EBF3: variants seen among roughly 807,000 people sequenced by gnomAD.
EBF3 encodes transcription factor COE3.
A neutral mutation model predicts 77.1 loss-of-function variants in EBF3; 18 were observed. The observed-to-expected ratio is 0.23, with a 90% CI of 0.16 to 0.35. The LOEUF (loss-of-function observed/expected upper bound fraction) is 0.35. EBF3 is among the 10% of genes least tolerant of loss of function. The probability of loss-of-function intolerance (pLI) is 1.00; values close to 1 mark genes in which losing one functional copy is unlikely to be tolerated. For missense variants in EBF3, 558 were observed against 860.0 expected (o/e 0.65, Z 4.39); for synonymous variants, 350 against 343.5 (o/e 1.02, Z -0.21).
In EBF3 at chr10:129,935,509, A is replaced by G. The variant is rs1467876766; in HGVS notation, c.554+21749T>C. On this transcript the variant is annotated intron_variant, in intron 6 of 16. Transcript: ENST00000440978. The surrounding 1 kb of genome is among the most constrained non-coding windows in gnomAD (Gnocchi z 4.2). ...CCTGTGTGACCCCAACCCTAAGAAC[A>G]AGCCTCCCAACTCAGCGCCAACTGC... 1.3e-5 allele frequency among the ~76,000 whole-genome samples: 2 copies of G among 152,160 alleles called. No homozygotes were observed. The highest frequency in any genetic ancestry group is 1.3e-4 in the Admixed American group (2 of 15,280).
intron 6 of EBF3, among the ~76,000 whole-genome samples, chr10:129,953,892 A>T (rs1034131010): frequency 2.0e-5 from 3 of 152,230 alleles, no homozygotes; most frequent in Non-Finnish European, 2.9e-5. Flanking sequence ...CTACACCGAC[A>T]TCCTGGAATC....
intron 6 of EBF3, among the ~76,000 whole-genome samples, chr10:129,951,746 G>A (rs1223410851): frequency 5.9e-5 from 9 of 152,388 alleles, no homozygotes; most frequent in South Asian, 4.1e-4. Context: ...GAGGCTAACC[G>A]TGCAGCCGGC....
rs1859655204 is a variant in EBF3 at position 129,963,122 on chromosome 10, C to T, written c.292-117G>A. The T allele has an allele frequency of 6.6e-6, 9 of 1,356,066 alleles. No homozygotes were observed. Among genetic ancestry groups the T allele is most frequent in the South Asian group, 1.2e-5 (1 of 83,830 alleles). The allele number at this position is 1,356,066 out of a possible 1,614,324, so 84.0% of individuals were successfully genotyped here. On this transcript the variant is annotated intron_variant, in intron 2 of 16. Coordinates refer to ENST00000440978, the MANE Select transcript of EBF3 (RefSeq NM_001375380.1). The surrounding 1 kb of genome is among the most constrained non-coding windows in gnomAD (Gnocchi z 7.1). ...CTCACACATGGCAGGATTCCTAGCT[C>T]GAAGCAGCGCGGTGATGTCACTTTC...
chr10:129,881,558 AG>A (rs1458951231), intron 6 of EBF3, among the ~76,000 whole-genome samples: 1 of 152,184 alleles, frequency 6.6e-6, no homozygotes, highest in Non-Finnish European at 1.5e-5. Flanking sequence ...AACCAGCAGA[AG>A]GGGGAAAGGT....
At position 129,943,732 on chromosome 10, in the gene EBF3, G is replaced by A. The variant is rs1469037162; in HGVS notation, c.554+13526C>T. Among the ~76,000 whole-genome samples the A allele has an allele frequency of 2.0e-5, 3 of 152,080 alleles. No homozygotes were observed. The highest frequency in any genetic ancestry group is 1.3e-4 in the Admixed American group (2 of 15,264). On this transcript the variant is annotated intron_variant, in intron 6 of 16. Transcript: ENST00000440978. This position sits in a 1 kb window ranked among gnomAD's most constrained non-coding sequence, Gnocchi z 8.8. ...AGAATTGCTAGGAATTCTTTTCACAGGCTGCATCTATGCTAGCCAATGAAA... is the reference window on the plus strand; with the variant it reads ...AGAATTGCTAGGAATTCTTTTCACAAGCTGCATCTATGCTAGCCAATGAAA...
rs1419010492 is a variant in EBF3, at chr10:129,870,936, C to T, written c.781+2516G>A. On this transcript the variant is annotated intron_variant, in intron 8 of 16. Transcript: ENST00000440978. This position sits in a 1 kb window ranked among gnomAD's most constrained non-coding sequence, Gnocchi z 4.4. ...CATTCACAATATTGAGGCACTCAAACAGGCCTAATCTTGCCTCATGAAGAC... is the reference window on the plus strand; with the variant it reads ...CATTCACAATATTGAGGCACTCAAATAGGCCTAATCTTGCCTCATGAAGAC... Among the ~76,000 whole-genome samples the T allele has an allele frequency of 6.6e-6, 1 of 152,210 alleles. No homozygotes were observed. The highest frequency in any genetic ancestry group is 2.4e-5 in the African/African-American group (1 of 41,452).
At chr10:129,891,223 G>A (rs1217291050) in intron 6 of EBF3, among the ~76,000 whole-genome samples, 1 of 152,068 alleles carries the variant, frequency 6.6e-6, no homozygotes, top group Non-Finnish European at 1.5e-5. Context: ...CTCCCATCAA[G>A]CAAATTTTCT....
chr10:129,844,776 T>C (rs1019427977), intron 11 of EBF3, among the ~76,000 whole-genome samples: 2 of 152,142 alleles, frequency 1.3e-5, no homozygotes, highest in Non-Finnish European at 2.9e-5. Flanking sequence ...AATAAAGAAT[T>C]AGACTTGTCA....
At chr10:129,909,486 C>T (rs963376345) in intron 6 of EBF3, among the ~76,000 whole-genome samples, 5 of 152,220 alleles carry the variant, frequency 3.3e-5, no homozygotes, top group African/African-American at 7.2e-5. Context: ...ACAGGGCACA[C>T]GTTTGGTCAC....
At chr10:129,846,064 C>T (rs1850435481) in intron 11 of EBF3, among the ~76,000 whole-genome samples, 1 of 150,254 alleles carries the variant, frequency 6.7e-6, no homozygotes, top group Admixed American at 6.6e-5. Context: ...CTATTTTTGC[C>T]ACATGAGTGC....
Position 129,837,100 on chromosome 10 carries a change from C to G in EBF3, c.*843G>C, listed in dbSNP as rs1333410236. The G allele has an allele frequency of 6.6e-5, 10 of 152,562 alleles. No homozygotes were observed. The highest frequency in any genetic ancestry group is 6.5e-4 in the Admixed American group (10 of 15,268). 9.5% of individuals were successfully genotyped at this position (152,562 alleles called of 1,614,324 possible). ...GATCTAGAAGTCAAAAGGACAATTT[C>G]TGGTACAAGAAACATAGACCTCACA... On this transcript the variant is annotated 3_prime_UTR_variant, in exon 17 of 17. Transcript: ENST00000440978.
At chr10:129,918,308 G>C (rs626799) in intron 6 of EBF3, among the ~76,000 whole-genome samples, 4 of 152,242 alleles carry the variant, frequency 2.6e-5, no homozygotes, top group Middle Eastern at 3.2e-3. Flanking sequence ...CCCCACTTCT[G>C]TCTCATTCTC....
intron 6 of EBF3, among the ~76,000 whole-genome samples, chr10:129,915,381 A>G (rs1455377468): frequency 3.9e-5 from 6 of 152,100 alleles, no homozygotes; most frequent in African/African-American, 1.4e-4. Context: ...CAAAGTTACT[A>G]TTACTCAAAA....
At chr10:129,941,617 G>A (rs967611435) in intron 6 of EBF3, among the ~76,000 whole-genome samples, 9 of 152,210 alleles carry the variant, frequency 5.9e-5, no homozygotes, top group African/African-American at 1.7e-4. Context: ...CTCTGGCGGC[G>A]GTGGAGGTGA....
rs534709791 is a variant in EBF3, at chr10:129,937,624, C to T, written c.554+19634G>A. Reference sequence around the variant, plus strand: ...CAACTGAGGCCATGGGAAAGAGAACCACTGTCCAGTCCCCGCCCCGTGCCC... The same window carrying T: ...CAACTGAGGCCATGGGAAAGAGAACTACTGTCCAGTCCCCGCCCCGTGCCC... On this transcript the variant is annotated intron_variant, in intron 6 of 16. Coordinates refer to ENST00000440978, the MANE Select transcript of EBF3 (RefSeq NM_001375380.1). 6.6e-5 allele frequency among the ~76,000 whole-genome samples: 10 copies of T among 152,282 alleles called. No individual in the cohort carries two copies. The South Asian group carries it at 2.1e-3, about 32-fold the overall frequency.
At chr10:129,948,430 T>C (rs939248112) in intron 6 of EBF3, among the ~76,000 whole-genome samples, 5 of 152,010 alleles carry the variant, frequency 3.3e-5, no homozygotes, top group Non-Finnish European at 5.9e-5. Context: ...GTGGAGCACA[T>C]GTGAAACTAT....
chr10:129,927,075 T>C (rs1856727360), intron 6 of EBF3, among the ~76,000 whole-genome samples: 1 of 152,202 alleles, frequency 6.6e-6, no homozygotes, highest in South Asian at 2.1e-4. Flanking sequence ...GTTTTGTTTT[T>C]AGCAAACCTA....
chr10:129,877,889 C>G (rs1564848926), intron 6 of EBF3, 40 bp from the exon 7 acceptor site: 3 of 1,531,324 alleles, frequency 2.0e-6, no homozygotes, highest in Non-Finnish European at 2.7e-6. Context: ...TTAGGGTTAT[C>G]AGACAAAAGA....
chr10:129,875,187 C>CTTCTTTTTTTTTTTTTTTTTTTT (rs1852672323), intron 7 of EBF3, among the ~76,000 whole-genome samples: 6 of 92,940 alleles, frequency 6.5e-5, no homozygotes, highest in African/African-American at 2.0e-4. Flanking sequence ...ATGGCTTCTT[C>CTTCTTTTTTTTTTTTTTTTTTTT]TTTTTTTTTT....
Sources: gnomAD v4.1 joint callset for allele counts (sites outside exome capture counted in the v4.1 genomes callset) on GRCh38, gnomAD v4.1.1 for gene constraint, Gnocchi (gnomAD v3.1) non-coding constraint, MANE v1.5 for transcripts, NCBI Gene and HGNC (gene_info 2026-07-23, HGNC 2026-07-21) for gene names.